KMT2C: variants seen among roughly 807,000 people sequenced by gnomAD.
KMT2C encodes the protein lysine methyltransferase 2C, also known as histone-lysine N-methyltransferase 2C.
In KMT2C, 88 loss-of-function variants were observed where a neutral mutation model predicts 507.9. The observed-to-expected ratio is 0.17, with a 90% CI of 0.15 to 0.21. KMT2C has a LOEUF of 0.21. KMT2C is among the 10% of genes least tolerant of loss of function. KMT2C has a pLI of 1.00. For synonymous variants in KMT2C, 2,049 were observed against 2,080.8 expected (o/e 0.98, Z 0.42); for missense variants, 4,954 against 5,957.8 (o/e 0.83, Z 5.55).
chr7:152,367,109 A>G, intron 1 of KMT2C: 2 of 895,654 alleles, frequency 2.2e-6, no homozygotes, highest in Admixed American at 4.1e-5. Context: ...AAGGAACAGG[A>G]AGAGAAGAGT....
chr7:152,323,354 A>C (rs923548648), intron 3 of KMT2C, among the ~76,000 whole-genome samples: 4 of 151,982 alleles, frequency 2.6e-5, no homozygotes, highest in African/African-American at 9.7e-5. Flanking sequence ...GAAAAGCGGG[A>C]GGATGGGGAG....
chr7:152,418,956 G>A (rs1300724553), intron 1 of KMT2C, among the ~76,000 whole-genome samples: 1 of 152,110 alleles, frequency 6.6e-6, no homozygotes, highest in Non-Finnish European at 1.5e-5. Flanking sequence ...CACTTTGAAA[G>A]GCCAAGGTGG....
intron 6 of KMT2C, among the ~76,000 whole-genome samples, chr7:152,309,183 TG>T (rs1242473223): frequency 2.0e-5 from 3 of 152,308 alleles, no homozygotes; most frequent in Middle Eastern, 3.4e-3. Flanking sequence ...AGTTACCACA[TG>T]AATGTATAAG....
In KMT2C at chr7:152,411,384, G is replaced by A. The variant is rs112216311; in HGVS notation, c.161+24242C>T. The stretch of plus-strand genomic sequence containing the variant: ...TCCGACAACCTGATCTCATGGCAGG[G>A]CCCACACAAGAAAAAAAAGAGCATT... On this transcript the variant is annotated intron_variant, in intron 1 of 58. Transcript: ENST00000262189. Among the ~76,000 whole-genome samples, 268 of 152,026 alleles carry A rather than the reference G, an allele frequency of 1.8e-3. 1 individual carries two copies. The highest frequency in any genetic ancestry group is 6.2e-3 in the African/African-American group (256 of 41,482).
intron 23 of KMT2C, among the ~76,000 whole-genome samples, chr7:152,215,676 A>AATATATATATATATATATATATATAT (rs1200314833): frequency 7.4e-6 from 1 of 134,510 alleles, no homozygotes; most frequent in African/African-American, 3.5e-5. Context: ...AAAGGAACAA[A>AATATATATATATATATATATATATAT]ATATATATAT....
chr7:152,265,895 A>T (rs568241969), intron 7 of KMT2C, among the ~76,000 whole-genome samples: 4 of 152,380 alleles, frequency 2.6e-5, no homozygotes, highest in Admixed American at 6.5e-5. Context: ...TCCATCCCTA[A>T]ATGTGGATTA....
intron 7 of KMT2C, among the ~76,000 whole-genome samples, chr7:152,271,539 G>A (rs2095970130): frequency 6.6e-6 from 1 of 151,964 alleles, no homozygotes; most frequent in Non-Finnish European, 1.5e-5. Flanking sequence ...CGGGTGTGAT[G>A]GTATGCGCCT....
Position 152,248,250 on chromosome 7 carries a change from T to C in KMT2C, c.2184A>G (p.Glu728=). The change falls in exon 14 of 59, where the codon GAA becomes GAG. Residue 728 remains glutamate, a synonymous_variant. Transcript: ENST00000262189. ...ERLQGEKEQK[E]NSELSTGLMD... Reference sequence around the variant, plus strand: ...TCAATCCAGTAGAAAGTTCAGAATTTTCTTTCTGTTCCTTTTCTCCTTGTA... The same window carrying C: ...TCAATCCAGTAGAAAGTTCAGAATTCTCTTTCTGTTCCTTTTCTCCTTGTA... The C allele has an allele frequency of 6.2e-7, 1 of 1,613,930 alleles. No homozygotes were observed. The highest frequency in any genetic ancestry group is 1.7e-5 in the Admixed American group (1 of 60,012).
At chr7:152,348,255 T>C (rs2097078394) in intron 2 of KMT2C, among the ~76,000 whole-genome samples, 1 of 152,038 alleles carries the variant, frequency 6.6e-6, no homozygotes, top group South Asian at 2.1e-4. Context: ...CTACCAAACA[T>C]TTAAGGAAGA....
intron 1 of KMT2C, among the ~76,000 whole-genome samples, chr7:152,381,723 G>A (rs2097375697): frequency 6.6e-6 from 1 of 152,094 alleles, no homozygotes; most frequent in Admixed American, 6.5e-5. Context: ...TAACTTTTAG[G>A]AACAAAGTTG....
chr7:152,227,755 C>T (rs1229698046), intron 18 of KMT2C, among the ~76,000 whole-genome samples: 1 of 152,186 alleles, frequency 6.6e-6, no homozygotes, highest in Non-Finnish European at 1.5e-5. Flanking sequence ...TGGTGGAACA[C>T]CAAGCCGTAC....
intron 11 of KMT2C, 63 bp from the exon 12 acceptor site, chr7:152,251,029 A>G: frequency 1.1e-6 from 1 of 916,538 alleles, no homozygotes; most frequent in Non-Finnish European, 1.8e-6. Context: ...CATTAAGTCA[A>G]CAATTATGAT....
At chr7:152,281,559 C>T (rs1396981564) in intron 6 of KMT2C, among the ~76,000 whole-genome samples, 2 of 152,070 alleles carry the variant, frequency 1.3e-5, no homozygotes, top group Non-Finnish European at 2.9e-5. Flanking sequence ...TGGTGAGACC[C>T]CGTTTCTATT....
At chr7:152,390,592 A>G (rs2097484974) in intron 1 of KMT2C, among the ~76,000 whole-genome samples, 1 of 152,228 alleles carries the variant, frequency 6.6e-6, no homozygotes, top group Admixed American at 6.5e-5. Flanking sequence ...ACAACCCATC[A>G]CAATAGATGT....
In KMT2C at chr7:152,194,431, A is replaced by T. The variant is rs2129129556; in HGVS notation, c.4507+9T>A. Reference sequence around the variant, plus strand: ...TTTAGAAAGCCTAGATGTAGGGCAAATATTTTACCATCTGTGACCATTTTG... The same window carrying T: ...TTTAGAAAGCCTAGATGTAGGGCAATTATTTTACCATCTGTGACCATTTTG... On this transcript the variant is annotated intron_variant, in intron 29 of 58. Coordinates refer to ENST00000262189, the MANE Select transcript of KMT2C (RefSeq NM_170606.3). 6.2e-7 allele frequency: 1 copy of T among 1,612,952 alleles called. No individual in the cohort carries two copies. The highest frequency in any genetic ancestry group is 8.5e-7 in the Non-Finnish European group (1 of 1,179,246).
intron 37 of KMT2C, among the ~76,000 whole-genome samples, 190 bp from the exon 38 acceptor site, chr7:152,178,200 G>C (rs1314163084): frequency 6.6e-6 from 1 of 151,964 alleles, no homozygotes; most frequent in African/African-American, 2.4e-5. Context: ...GTAAGATTTT[G>C]CTAAGAATCC....
chr7:152,396,249 G>GT (rs1484467947), intron 1 of KMT2C, among the ~76,000 whole-genome samples: 2 of 152,094 alleles, frequency 1.3e-5, no homozygotes, highest in East Asian at 1.9e-4. Flanking sequence ...AGGTATTCAA[G>GT]TAACAGCGCC....
chr7:152,320,124 G>A (rs2096759261), intron 3 of KMT2C, among the ~76,000 whole-genome samples: 1 of 151,966 alleles, frequency 6.6e-6, no homozygotes, highest in Non-Finnish European at 1.5e-5. Flanking sequence ...GAACCTGTGG[G>A]GCTGGACCCT....
intron 14 of KMT2C, among the ~76,000 whole-genome samples, chr7:152,239,573 A>T (rs2095346339): frequency 2.0e-5 from 3 of 152,222 alleles, no homozygotes. Context: ...TTATATAGAA[A>T]GTAGTATCTT....
Sources: allele counts gnomAD v4.1 joint callset (sites outside exome capture counted in the v4.1 genomes callset), GRCh38; gene constraint gnomAD v4.1.1; transcripts MANE v1.5; gene names NCBI Gene and HGNC (gene_info 2026-07-23, HGNC 2026-07-21).